GRXCR1: variants seen among roughly 807,000 people sequenced by gnomAD.
The protein encoded by GRXCR1 is glutaredoxin and cysteine rich domain containing 1, also known as glutaredoxin domain-containing cysteine-rich protein 1.
GRXCR1 carries 27 observed loss-of-function variants against 27.3 expected under a neutral mutation model. The ratio of observed to expected loss-of-function variants is 0.99; its 90% CI spans 0.73 to 1.37. GRXCR1 has a LOEUF of 1.37. Among genes scored for constraint, GRXCR1 ranks in the 40% most tolerant of loss-of-function variants. The pLI is 0.00. For synonymous variants in GRXCR1, 122 were observed against 131.1 expected (o/e 0.93, Z 0.47); for missense variants, 379 against 354.4 (o/e 1.07, Z -0.56).
chr4:42,915,948 A>T (rs1180944480), intron 1 of GRXCR1, among the ~76,000 whole-genome samples: 2 of 152,092 alleles, frequency 1.3e-5, no homozygotes, highest in East Asian at 1.9e-4. Flanking sequence ...ACTTAGAGTT[A>T]CAATGCCATC....
chr4:42,911,762 A>G (rs899780235), intron 1 of GRXCR1, among the ~76,000 whole-genome samples: 6 of 152,170 alleles, frequency 3.9e-5, no homozygotes, highest in African/African-American at 1.4e-4. Flanking sequence ...ATTATAACTA[A>G]TTCATGTGGT....
At chr4:42,914,962 C>T (rs1030119314) in intron 1 of GRXCR1, among the ~76,000 whole-genome samples, 1 of 152,102 alleles carries the variant, frequency 6.6e-6, no homozygotes, top group Admixed American at 6.5e-5. Flanking sequence ...GTGTCTTCCA[C>T]CATGATTGTA....
intron 3 of GRXCR1, among the ~76,000 whole-genome samples, chr4:43,028,857 G>C (rs1472279584): frequency 1.3e-5 from 2 of 152,050 alleles, no homozygotes; most frequent in Non-Finnish European, 2.9e-5. Context: ...TTTTGGAAGA[G>C]CTTTAAATCT....
At chr4:42,933,467 A>T (rs544305473) in intron 1 of GRXCR1, among the ~76,000 whole-genome samples, 113 of 152,102 alleles carry the variant, frequency 7.4e-4, no homozygotes, top group Middle Eastern at 3.4e-3. Flanking sequence ...CAATGGGATG[A>T]CTACTTGCTC....
At chr4:43,007,326 C>T (rs1712594668) in intron 2 of GRXCR1, among the ~76,000 whole-genome samples, 1 of 152,060 alleles carries the variant, frequency 6.6e-6, no homozygotes, top group African/African-American at 2.4e-5. Context: ...CCCAGTGAGA[C>T]CTTCATGAAC....
At chr4:42,946,879 A>G (rs1242254117) in intron 1 of GRXCR1, among the ~76,000 whole-genome samples, 1 of 152,170 alleles carries the variant, frequency 6.6e-6, no homozygotes, top group African/African-American at 2.4e-5. Flanking sequence ...ATATTCTATT[A>G]AGTCTAGAGG....
At chr4:43,016,253 T>C (rs772418423) in intron 2 of GRXCR1, among the ~76,000 whole-genome samples, 30 of 152,214 alleles carry the variant, frequency 2.0e-4, no homozygotes, top group Non-Finnish European at 4.0e-4. Flanking sequence ...TTATTGAACA[T>C]AGCTTTTCTT....
intron 2 of GRXCR1, among the ~76,000 whole-genome samples, chr4:42,999,648 T>C (rs1712285278): frequency 6.6e-6 from 1 of 152,252 alleles, no homozygotes; most frequent in Admixed American, 6.5e-5. Context: ...GATCAGGCCA[T>C]TCTCCATAAT....
intron 1 of GRXCR1, among the ~76,000 whole-genome samples, chr4:42,897,412 A>G (rs1038633992): frequency 5.3e-5 from 8 of 152,064 alleles, no homozygotes; most frequent in African/African-American, 1.9e-4. Flanking sequence ...AAATTACTGT[A>G]TTAGAGATAA....
chr4:43,019,499 C>T (rs1000660467), intron 2 of GRXCR1, among the ~76,000 whole-genome samples: 1 of 152,164 alleles, frequency 6.6e-6, no homozygotes, highest in African/African-American at 2.4e-5. Context: ...GCCTAGGACA[C>T]AGTGACAACA....
intron 2 of GRXCR1, among the ~76,000 whole-genome samples, chr4:42,963,411 G>T (rs1748172917): frequency 6.6e-6 from 1 of 151,946 alleles, no homozygotes; most frequent in Non-Finnish European, 1.5e-5. Context: ...GTTTTGCACT[G>T]TGAAGCTTGG....
chr4:43,023,161 G>C (rs546911880), intron 3 of GRXCR1, among the ~76,000 whole-genome samples: 1 of 152,124 alleles, frequency 6.6e-6, no homozygotes, highest in Non-Finnish European at 1.5e-5. Context: ...TTTCCTAGGA[G>C]GTAAGCTAGT....
At chr4:43,022,263 T>C (rs1184908735) in intron 3 of GRXCR1, among the ~76,000 whole-genome samples, 1 of 152,194 alleles carries the variant, frequency 6.6e-6, no homozygotes, top group Admixed American at 6.5e-5. Context: ...TAAGAGCATC[T>C]TTTAGGATCT....
At chr4:43,015,084 G>C (rs1455725056) in intron 2 of GRXCR1, among the ~76,000 whole-genome samples, 2 of 152,080 alleles carry the variant, frequency 1.3e-5, no homozygotes, top group African/African-American at 4.8e-5. Context: ...AGAAATATCA[G>C]GAAAAAAATG....
intron 2 of GRXCR1, among the ~76,000 whole-genome samples, chr4:42,984,639 G>A (rs1711623841): frequency 6.6e-6 from 1 of 152,248 alleles, no homozygotes; most frequent in Non-Finnish European, 1.5e-5. Flanking sequence ...TTCTGGGACA[G>A]GCTAGAAGCC....
intron 3 of GRXCR1, among the ~76,000 whole-genome samples, chr4:43,027,119 A>C (rs1713280755): frequency 6.6e-6 from 1 of 152,212 alleles, no homozygotes; most frequent in African/African-American, 2.4e-5. Flanking sequence ...GCAGTTAATA[A>C]AAATCATTTC....
chr4:42,954,381 G>A (rs1747952124), intron 1 of GRXCR1, among the ~76,000 whole-genome samples: 1 of 152,130 alleles, frequency 6.6e-6, no homozygotes, highest in Admixed American at 6.6e-5. Flanking sequence ...GAACAGGGTG[G>A]TCCTTTGGTC....
chr4:43,014,542 C>T (rs951398188), intron 2 of GRXCR1, among the ~76,000 whole-genome samples: 1 of 152,104 alleles, frequency 6.6e-6, no homozygotes, highest in Non-Finnish European at 1.5e-5. Context: ...TGCTCCTGGT[C>T]CTCATCAGAG....
chr4:43,021,902 C>T (rs931549560), intron 3 of GRXCR1, among the ~76,000 whole-genome samples: 25 of 152,140 alleles, frequency 1.6e-4, no homozygotes, highest in Admixed American at 1.6e-3. Context: ...AGATTTTTAG[C>T]TCCTTCCTCA....
Sources: allele counts gnomAD v4.1 joint callset (sites outside exome capture counted in the v4.1 genomes callset), GRCh38; gene constraint gnomAD v4.1.1; transcripts MANE v1.5; gene names NCBI Gene and HGNC (gene_info 2026-07-23, HGNC 2026-07-21).